GALNT13: variants seen among roughly 807,000 people sequenced by gnomAD.
GALNT13 encodes the protein UDP-GalNAc:polypeptide N-acetylgalactosaminyltransferase 13.
GALNT13 carries 28 observed loss-of-function variants against 64.2 expected under a neutral mutation model. That is an observed-to-expected ratio of 0.44 (90% CI 0.32 to 0.60). GALNT13 has a LOEUF of 0.60. Among genes scored for constraint, GALNT13 ranks in the 20% least tolerant of loss-of-function variants. The pLI is 0.05. For missense variants in GALNT13, 577 were observed against 669.8 expected (o/e 0.86, Z 1.53); for synonymous variants, 214 against 224.6 (o/e 0.95, Z 0.42).
chr2:153,073,325 A>C, the GALNT13 span, among the ~76,000 whole-genome samples: 1 of 151,838 alleles, frequency 6.6e-6, no homozygotes. Flanking sequence ...TATTTCTAGT[A>C]CTATAAATTA....
At chr2:153,630,770 T>C in the GALNT13 span, among the ~76,000 whole-genome samples, 3 of 11,738 alleles carry the variant, frequency 2.6e-4, no homozygotes, top group Non-Finnish European at 4.4e-4. Context: ...TTCATATATA[T>C]ATATATATAT....
At chr2:154,448,809 G>A (rs1480354746) in intron 12 of GALNT13, among the ~76,000 whole-genome samples, 1 of 151,832 alleles carries the variant, frequency 6.6e-6, no homozygotes, top group Non-Finnish European at 1.5e-5. Context: ...TAAGACACTG[G>A]GAGTGCTTTC....
intron 4 of GALNT13, among the ~76,000 whole-genome samples, chr2:154,209,290 T>A (rs1687640688): frequency 1.3e-5 from 2 of 152,102 alleles, no homozygotes; most frequent in Admixed American, 6.6e-5. Flanking sequence ...GGTTGACCTA[T>A]TTTTAGGTCA....
the GALNT13 span, among the ~76,000 whole-genome samples, chr2:153,493,402 A>G: frequency 3.0e-3 from 459 of 152,204 alleles, 17 homozygotes; most frequent in East Asian, 0.083. Flanking sequence ...CAAAAATTCT[A>G]CAACTTAAAT....
At chr2:153,949,861 A>C (rs963991600) in intron 3 of GALNT13, among the ~76,000 whole-genome samples, 1 of 152,094 alleles carries the variant, frequency 6.6e-6, no homozygotes, top group Non-Finnish European at 1.5e-5. Context: ...ATCAGTGGGG[A>C]AAAGAGAGGC....
the GALNT13 span, among the ~76,000 whole-genome samples, chr2:153,811,250 T>C: frequency 3.9e-5 from 6 of 152,316 alleles, no homozygotes; most frequent in African/African-American, 1.2e-4. Flanking sequence ...TACTTTACCA[T>C]ATTGTTGGAC....
intron 3 of GALNT13, among the ~76,000 whole-genome samples, chr2:154,061,511 A>C (rs187660925): frequency 6.6e-6 from 1 of 152,272 alleles, no homozygotes; most frequent in African/African-American, 2.4e-5. Flanking sequence ...CTTTAATTCT[A>C]AAAATAAACA....
At chr2:153,725,525 G>T in the GALNT13 span, among the ~76,000 whole-genome samples, 5 of 151,692 alleles carry the variant, frequency 3.3e-5, no homozygotes, top group African/African-American at 7.2e-5. Flanking sequence ...AGATGCAGTA[G>T]TTCTTTTTAA....
chr2:153,336,053 C>T, the GALNT13 span, among the ~76,000 whole-genome samples: 3 of 152,152 alleles, frequency 2.0e-5, no homozygotes, highest in Admixed American at 6.5e-5. Context: ...GGACAGACAT[C>T]AAGAATTGAG....
At chr2:153,404,785 G>C in the GALNT13 span, among the ~76,000 whole-genome samples, 1 of 152,152 alleles carries the variant, frequency 6.6e-6, no homozygotes, top group Non-Finnish European at 1.5e-5. Context: ...AGTAAATTCA[G>C]TAAACGAGAC....
the GALNT13 span, among the ~76,000 whole-genome samples, chr2:153,404,130 G>C: frequency 6.6e-6 from 1 of 152,156 alleles, no homozygotes; most frequent in Non-Finnish European, 1.5e-5. Flanking sequence ...ATCAGTCCAG[G>C]AGTGGGTTAG....
At chr2:153,313,040 A>T in the GALNT13 span, among the ~76,000 whole-genome samples, 1 of 152,308 alleles carries the variant, frequency 6.6e-6, no homozygotes, top group South Asian at 2.1e-4. Flanking sequence ...GTCAAAAAAT[A>T]ACAGATGCTG....
the GALNT13 span, among the ~76,000 whole-genome samples, chr2:153,118,145 A>C: frequency 3.4e-4 from 50 of 147,464 alleles, no homozygotes; most frequent in East Asian, 2.4e-3. Context: ...ACACACACAC[A>C]CCCCACATAA....
the GALNT13 span, among the ~76,000 whole-genome samples, chr2:153,258,103 C>T: frequency 4.0e-3 from 607 of 152,190 alleles, 3 homozygotes; most frequent in African/African-American, 0.014. Context: ...TAAAAAAAGT[C>T]TTAGAGATTC....
the GALNT13 span, among the ~76,000 whole-genome samples, chr2:153,214,472 C>G: frequency 4.6e-5 from 7 of 152,108 alleles, no homozygotes; most frequent in African/African-American, 1.7e-4. Context: ...TGTACCCACT[C>G]TCTATAAAAT....
chr2:154,156,094 A>G (rs745647340), intron 4 of GALNT13, among the ~76,000 whole-genome samples: 54 of 151,966 alleles, frequency 3.6e-4, no homozygotes, highest in Non-Finnish European at 6.6e-4. Context: ...AGATACAGAT[A>G]GAGACATTTT....
chr2:153,488,482 T>G, the GALNT13 span, among the ~76,000 whole-genome samples: 1 of 152,204 alleles, frequency 6.6e-6, no homozygotes, highest in Non-Finnish European at 1.5e-5. Context: ...AGTGACCCAC[T>G]TTAACCTTAA....
At chr2:153,259,487 C>A in the GALNT13 span, among the ~76,000 whole-genome samples, 1 of 151,810 alleles carries the variant, frequency 6.6e-6, no homozygotes, top group Non-Finnish European at 1.5e-5. Flanking sequence ...GTGTCCCCAC[C>A]GAAATCTCAT....
chr2:154,008,638 T>C (rs1189291136), intron 3 of GALNT13, among the ~76,000 whole-genome samples: 2 of 152,066 alleles, frequency 1.3e-5, no homozygotes, highest in Non-Finnish European at 2.9e-5. Context: ...TTTGAGTCCA[T>C]ATGTACTTAA....
Sources: allele counts gnomAD v4.1 joint callset (sites outside exome capture counted in the v4.1 genomes callset), GRCh38; gene constraint gnomAD v4.1.1; transcripts MANE v1.5; gene names NCBI Gene and HGNC (gene_info 2026-07-23, HGNC 2026-07-21).